ANO3: variants seen among roughly 807,000 people sequenced by gnomAD.
The protein encoded by ANO3 is anoctamin-3.
Under a neutral mutation model 144.8 loss-of-function variants are expected in ANO3, and 99 were observed. The ratio of observed to expected loss-of-function variants is 0.68; its 90% CI spans 0.58 to 0.81. The LOEUF is 0.81. ANO3 is among the 30% of genes least tolerant of loss of function. The pLI is 0.00. For missense variants in ANO3, 905 were observed against 1,202.2 expected, an observed-to-expected ratio of 0.75 and a Z score of 3.66; for synonymous variants, 414 against 392.6, an observed-to-expected ratio of 1.05 and a Z score of -0.64.
intron 1 of ANO3, among the ~76,000 whole-genome samples, chr11:26,297,575 A>G (rs1271732434): frequency 2.0e-5 from 3 of 152,154 alleles, no homozygotes; most frequent in Non-Finnish European, 2.9e-5. Context: ...ATGATAATTC[A>G]TTTTGTTCTC....
At chr11:26,497,021 T>TACACACAC (rs1466420812) in intron 4 of ANO3, among the ~76,000 whole-genome samples, 1 of 43,538 alleles carries the variant, frequency 2.3e-5, no homozygotes, top group African/African-American at 5.4e-5. Context: ...CACACATATA[T>TACACACAC]ACAGACACAC....
chr11:26,559,934 A>T (rs1414783321), intron 14 of ANO3, 155 bp downstream of exon 14: 2 of 562,278 alleles, frequency 3.6e-6, no homozygotes, highest in Admixed American at 5.6e-5. Flanking sequence ...TGCTCTCTTC[A>T]TATATTCAGT....
intron 1 of ANO3, among the ~76,000 whole-genome samples, chr11:26,191,540 C>T (rs887127259): frequency 6.6e-6 from 1 of 152,142 alleles, no homozygotes; most frequent in African/African-American, 2.4e-5. Context: ...AACTCTCACC[C>T]ATTTCCATCT....
chr11:26,545,528 A>T (rs1231200322), intron 11 of ANO3, among the ~76,000 whole-genome samples: 1 of 152,076 alleles, frequency 6.6e-6, no homozygotes, highest in Non-Finnish European at 1.5e-5. Context: ...TTGCTTAGCA[A>T]AATTCTTGTA....
chr11:26,557,332 G>A (rs1850113222), intron 13 of ANO3, among the ~76,000 whole-genome samples: 1 of 151,580 alleles, frequency 6.6e-6, no homozygotes, highest in South Asian at 2.1e-4. Flanking sequence ...GTGGTGGCGG[G>A]CGCCTGTAGT....
chr11:26,473,185 A>G (rs1464570185), intron 4 of ANO3, among the ~76,000 whole-genome samples: 1 of 152,000 alleles, frequency 6.6e-6, no homozygotes, highest in Non-Finnish European at 1.5e-5. Flanking sequence ...TTATTAACTC[A>G]AGACCATATA....
intron 17 of ANO3, among the ~76,000 whole-genome samples, chr11:26,600,844 T>C (rs1290797745): frequency 2.0e-5 from 3 of 152,032 alleles, no homozygotes; most frequent in South Asian, 2.1e-4. Flanking sequence ...TTAACTTAAA[T>C]CATCCAGTAT....
chr11:26,508,451 T>C, intron 5 of ANO3, 189 bp downstream of exon 5: 1 of 457,630 alleles, frequency 2.2e-6, no homozygotes, highest in Non-Finnish European at 3.7e-6. Flanking sequence ...TATATAATTC[T>C]GTACAATTTA....
intron 4 of ANO3, among the ~76,000 whole-genome samples, chr11:26,503,392 T>C (rs1861277561): frequency 1.3e-5 from 2 of 152,126 alleles, no homozygotes; most frequent in South Asian, 2.1e-4. Flanking sequence ...CAGTTTTCAG[T>C]TAATTCTGTT....
chr11:26,457,145 C>G (rs905177051), intron 3 of ANO3, among the ~76,000 whole-genome samples: 2 of 150,070 alleles, frequency 1.3e-5, no homozygotes, highest in African/African-American at 4.9e-5. Flanking sequence ...TTAGTGGGTG[C>G]AGCGCACCAG....
intron 3 of ANO3, among the ~76,000 whole-genome samples, chr11:26,458,918 T>G (rs538599966): frequency 6.6e-6 from 1 of 152,230 alleles, no homozygotes; most frequent in African/African-American, 2.4e-5. Context: ...TGATGTCAGG[T>G]GCTGATAAAA....
intron 26 of ANO3, among the ~76,000 whole-genome samples, chr11:26,658,455 T>C (rs1334622334): frequency 1.4e-5 from 1 of 71,038 alleles, no homozygotes. Flanking sequence ...CTACTAAAAA[T>C]ACAAAATAGC....
upstream of ANO3, among the ~76,000 whole-genome samples, chr11:26,306,729 G>C (rs1854392790): frequency 6.6e-6 from 1 of 152,136 alleles, no homozygotes; most frequent in Admixed American, 6.5e-5. Context: ...TCTGGAATGG[G>C]GCTATCACAT....
At chr11:26,574,074 C>A (rs1351653706) in intron 14 of ANO3, among the ~76,000 whole-genome samples, 1 of 152,204 alleles carries the variant, frequency 6.6e-6, no homozygotes. Flanking sequence ...ATTTCATCAG[C>A]AAACCCAGCT....
chr11:26,272,888 G>A (rs1853473313), intron 1 of ANO3, among the ~76,000 whole-genome samples: 1 of 152,136 alleles, frequency 6.6e-6, no homozygotes, highest in Non-Finnish European at 1.5e-5. Flanking sequence ...GATCAGGACT[G>A]CCCTTCTCTG....
chr11:26,381,910 T>C, intron 1 of ANO3, among the ~76,000 whole-genome samples: 1 of 151,990 alleles, frequency 6.6e-6, no homozygotes, highest in East Asian at 1.9e-4. Context: ...GGCAAAACAA[T>C]TTTTTTTATC....
chr11:26,516,757 A>T (rs1861879760), intron 5 of ANO3, 70 bp from the exon 6 acceptor site: 1 of 1,116,956 alleles, frequency 9.0e-7, no homozygotes, highest in Non-Finnish European at 1.3e-6. Context: ...TTTATTCCCA[A>T]ATCAAACTGT....
At chr11:26,314,911 T>G (rs1854586049) in intron 1 of ANO3, among the ~76,000 whole-genome samples, 1 of 152,182 alleles carries the variant, frequency 6.6e-6, no homozygotes, top group Non-Finnish European at 1.5e-5. Context: ...AGAAGCATGC[T>G]CCATTAATAT....
At chr11:26,305,128 C>G (rs1271352122), upstream of ANO3, among the ~76,000 whole-genome samples, 1 of 150,314 alleles carries the variant, frequency 6.7e-6, no homozygotes, top group Non-Finnish European at 1.5e-5. Flanking sequence ...TACTTTTATT[C>G]CAAACCGATT....
Sources: gnomAD v4.1 joint callset for allele counts (sites outside exome capture counted in the v4.1 genomes callset) on GRCh38, gnomAD v4.1.1 for gene constraint, MANE v1.5 for transcripts, NCBI Gene and HGNC (gene_info 2026-07-23, HGNC 2026-07-21) for gene names.